Variants in TRPM7 observed in about 807,000 individuals in gnomAD.
TRPM7 encodes transient receptor potential cation channel subfamily M member 7.
In TRPM7, 134 loss-of-function variants were observed where a neutral mutation model predicts 229.7. That is an observed-to-expected ratio of 0.58 (90% CI 0.51 to 0.67). The LOEUF (loss-of-function observed/expected upper bound fraction) is 0.67. TRPM7 is among the 30% of genes least tolerant of loss of function. The pLI, the probability that TRPM7 is intolerant of heterozygous loss-of-function variation, is 0.00. For synonymous variants in TRPM7, 699 were observed against 715.2 expected, an observed-to-expected ratio of 0.98 and a Z score of 0.36; for missense variants, 1,901 against 2,210.0, an observed-to-expected ratio of 0.86 and a Z score of 2.80.
chr15:50,637,128 A>G (rs1459753270), intron 7 of TRPM7, among the ~76,000 whole-genome samples: 1 of 116,318 alleles, frequency 8.6e-6, no homozygotes. Flanking sequence ...TCCGCCTCAA[A>G]GAAAAAAAAA....
intron 8 of TRPM7, among the ~76,000 whole-genome samples, chr15:50,633,560 A>G (rs1240595010): frequency 1.3e-5 from 2 of 152,292 alleles, no homozygotes; most frequent in East Asian, 3.9e-4. Flanking sequence ...TTTATTCTAT[A>G]TAAAAAGTGG....
intron 5 of TRPM7, among the ~76,000 whole-genome samples, chr15:50,640,373 C>A (rs1364137687): frequency 1.3e-5 from 2 of 151,820 alleles, no homozygotes; most frequent in African/African-American, 4.8e-5. Context: ...ACCTCCCGGG[C>A]TCAAGTGATC....
In TRPM7 at chr15:50,578,543, G is replaced by A. The variant is rs934163844; in HGVS notation, c.4618+96C>T. On this transcript the variant is annotated intron_variant, in intron 31 of 38. Transcript: ENST00000646667. ...ATACCTTGGCTTTTTCTAGCTTGAA[G>A]TCTAAAATATCTTACCTAGAATAAT... 6 of 1,227,732 alleles carry A rather than the reference G, an allele frequency of 4.9e-6. No individual in the cohort carries two copies. In the South Asian group the frequency reaches 7.5e-5, roughly 15 times the overall value. The allele number at this position is 1,227,732 out of a possible 1,614,324, so 76.1% of individuals were successfully genotyped here.
chr15:50,679,459 C>T (rs796716509), intron 1 of TRPM7, among the ~76,000 whole-genome samples: 1 of 130,924 alleles, frequency 7.6e-6, no homozygotes, highest in Non-Finnish European at 1.6e-5. Context: ...TAGGTTTCTA[C>T]AGGTTTTATT....
intron 29 of TRPM7, among the ~76,000 whole-genome samples, chr15:50,581,670 T>C: frequency 6.6e-6 from 1 of 152,068 alleles, no homozygotes; most frequent in East Asian, 1.9e-4. Flanking sequence ...TGCAGTTGTA[T>C]AATGTTCCTA....
At chr15:50,569,166 C>G (rs1294084683) in intron 38 of TRPM7, among the ~76,000 whole-genome samples, 1 of 152,050 alleles carries the variant, frequency 6.6e-6, no homozygotes, top group Non-Finnish European at 1.5e-5. Context: ...TCCTGAGTAG[C>G]TGGGACTACA....
At position 50,614,395 on chromosome 15, in the gene TRPM7, T is replaced by TGG. The variant is rs1245163777; in HGVS notation, c.1495-134_1495-133dup. ...TATAAGAAGCAAGGGCCAGGTGCAG[T>TGG]GGCTCACGCCTGTAATCCCAACATT... On this transcript the variant is annotated intron_variant, in intron 13 of 38. Coordinates refer to ENST00000646667, the MANE Select transcript of TRPM7 (RefSeq NM_017672.6). The TGG allele has an allele frequency of 9.9e-6, 8 of 809,140 alleles. No homozygotes were observed. The African/African-American group carries it at 1.2e-4, about 12-fold the overall frequency. 50.1% of individuals were successfully genotyped at this position (809,140 alleles called of 1,614,324 possible). A position where few individuals can be genotyped will look rare whatever the true frequency, so the allele number is the denominator to read the frequency against.
At chr15:50,650,306 T>C (rs1232606479) in intron 3 of TRPM7, among the ~76,000 whole-genome samples, 1 of 151,392 alleles carries the variant, frequency 6.6e-6, no homozygotes, top group Non-Finnish European at 1.5e-5. Context: ...CAGGGAACAC[T>C]TTATGTTCCC....
At chr15:50,563,501 G>A (rs1205102581) in intron 38 of TRPM7, among the ~76,000 whole-genome samples, 2 of 152,180 alleles carry the variant, frequency 1.3e-5, no homozygotes, top group African/African-American at 2.4e-5. Flanking sequence ...AGACAGAGAA[G>A]AGCAGATGAA....
chr15:50,658,301 G>A (rs936189199), intron 2 of TRPM7, among the ~76,000 whole-genome samples: 2 of 152,026 alleles, frequency 1.3e-5, no homozygotes, highest in Non-Finnish European at 2.9e-5. Flanking sequence ...CACCGCGCCT[G>A]GCAGACAGTC....
rs2053243077 is a variant in TRPM7, at chr15:50,559,839, C to T, written c.*1839G>A. 6.6e-6 allele frequency: 1 copy of T among 151,778 alleles called. No homozygotes were observed. The highest frequency in any genetic ancestry group is 1.9e-4 in the East Asian group (1 of 5,170). The allele number at this position is 151,778 out of a possible 1,614,324, so 9.4% of individuals were successfully genotyped here. On this transcript the variant is annotated 3_prime_UTR_variant, in exon 39 of 39. Coordinates refer to ENST00000646667, the MANE Select transcript of TRPM7 (RefSeq NM_017672.6). ...ACCACACTGGCCAACATAGTGAAAC[C>T]CTGTCTCTACTAAAAATATAAAAAT...
chr15:50,660,091 T>C (rs958659343), intron 2 of TRPM7, among the ~76,000 whole-genome samples: 14 of 152,218 alleles, frequency 9.2e-5, no homozygotes, highest in Non-Finnish European at 2.1e-4. Flanking sequence ...TGAATAGCCA[T>C]GTGACTTGGG....
rs1207613417 is a variant in TRPM7 at position 50,611,117 on chromosome 15, A to G, written c.2256T>C (p.Asn752=). 3 of 1,613,692 alleles carry G rather than the reference A, an allele frequency of 1.9e-6. No individual in the cohort carries two copies. The South Asian group carries it at 3.3e-5, about 18-fold the overall frequency. Reference sequence around the variant, plus strand: ...CCTTGTACCAGGAATTTTTCCTCATATTCAGCCTTCCCATCCACATATCAG... The same window carrying G: ...CCTTGTACCAGGAATTTTTCCTCATGTTCAGCCTTCCCATCCACATATCAG... The part of the protein sequence containing the change: ...LLSDMWMGRL[N]MRKNSWYKVI... The change falls in exon 17 of 39, where the codon AAT becomes AAC. Residue 752 remains asparagine (N), a synonymous_variant. Coordinates refer to ENST00000646667, the MANE Select transcript of TRPM7 (RefSeq NM_017672.6).
chr15:50,607,193 G>C lies in TRPM7; in HGVS notation c.2709+7C>G. 2 of 1,595,492 alleles carry C rather than the reference G, an allele frequency of 1.3e-6. No individual in the cohort carries two copies. The highest frequency in any genetic ancestry group is 1.7e-6 in the Non-Finnish European group (2 of 1,174,492). ...AAATTATTGGTAGAAAAAAACTAAAGACATACCTCACGGACTTTCTCAATG... is the reference window on the plus strand; with the variant it reads ...AAATTATTGGTAGAAAAAAACTAAACACATACCTCACGGACTTTCTCAATG... On this transcript the variant is annotated splice_region_variant and intron_variant, in intron 20 of 38. Transcript: ENST00000646667.
chr15:50,680,375 C>T (rs1411955592), intron 1 of TRPM7, among the ~76,000 whole-genome samples: 2 of 151,900 alleles, frequency 1.3e-5, no homozygotes, highest in African/African-American at 2.4e-5. Context: ...ACTCTGTCTC[C>T]AGTAAAAACA....
chr15:50,656,214 T>G (rs1388896391), intron 3 of TRPM7, among the ~76,000 whole-genome samples: 1 of 152,086 alleles, frequency 6.6e-6, no homozygotes, highest in East Asian at 1.9e-4. Context: ...AGACACCAGA[T>G]GGAACCTCAC....
chr15:50,607,113 C>T (rs1313654773), intron 20 of TRPM7, 87 bp downstream of exon 20: 1 of 1,210,206 alleles, frequency 8.3e-7, no homozygotes. Context: ...CACACACACC[C>T]CCCTACGTAT....
At chr15:50,612,870 G>A (rs2060100823) in intron 15 of TRPM7, 41 bp from the exon 16 acceptor site, 1 of 1,533,644 alleles carries the variant, frequency 6.5e-7, no homozygotes, top group East Asian at 2.3e-5. Context: ...TTATAATAAG[G>A]CCATATGAAA....
At chr15:50,682,228 TCTTGA>T in intron 1 of TRPM7, among the ~76,000 whole-genome samples, 1 of 139,402 alleles carries the variant, frequency 7.2e-6, no homozygotes, top group Middle Eastern at 4.4e-3. Context: ...AAGAGTCAAG[TCTTGA>T]CTTATCAACT....
Sources: allele counts gnomAD v4.1 joint callset (sites outside exome capture counted in the v4.1 genomes callset), GRCh38; gene constraint gnomAD v4.1.1; transcripts MANE v1.5; gene names NCBI Gene and HGNC (gene_info 2026-07-23, HGNC 2026-07-21).